The following PLXNA4 variants were observed in gnomAD, a reference collection of about 807,000 sequenced individuals.
The protein encoded by PLXNA4 is plexin-A4.
Under a neutral mutation model 191.8 loss-of-function variants are expected in PLXNA4, and 44 were observed. That is an observed-to-expected ratio of 0.23 (90% CI 0.18 to 0.29). PLXNA4 has a LOEUF of 0.29. Among genes scored for constraint, PLXNA4 ranks in the 10% least tolerant of loss-of-function variants. PLXNA4 has a pLI of 1.00. For synonymous variants in PLXNA4, 1,082 were observed against 1,009.5 expected, an observed-to-expected ratio of 1.07 and a Z score of -1.36; for missense variants, 1,800 against 2,488.8, an observed-to-expected ratio of 0.72 and a Z score of 5.89.
chr7:132,526,443 G>A (rs984815780), intron 1 of PLXNA4, among the ~76,000 whole-genome samples: 2 of 152,184 alleles, frequency 1.3e-5, no homozygotes, highest in Admixed American at 1.3e-4. Flanking sequence ...AGAGAAAGGA[G>A]GAAGGATAAA....
chr7:132,155,823 T>A (rs1314370197), intron 25 of PLXNA4, among the ~76,000 whole-genome samples: 1 of 152,214 alleles, frequency 6.6e-6, no homozygotes, highest in Non-Finnish European at 1.5e-5. Flanking sequence ...TTATTCGATA[T>A]GTTTCTGTGA....
chr7:132,477,694 T>C (rs1470808057), intron 3 of PLXNA4, among the ~76,000 whole-genome samples: 1 of 152,228 alleles, frequency 6.6e-6, no homozygotes, highest in Non-Finnish European at 1.5e-5. Flanking sequence ...CGGGCAGTAC[T>C]GTGGGGGCAC....
At chr7:132,534,181 C>T (rs1380531472) in intron 1 of PLXNA4, among the ~76,000 whole-genome samples, 1 of 152,022 alleles carries the variant, frequency 6.6e-6, no homozygotes, top group African/African-American at 2.4e-5. Context: ...AACAGAAAGC[C>T]GGTCAGCTTC....
At chr7:132,333,838 C>T (rs1216611955) in intron 3 of PLXNA4, among the ~76,000 whole-genome samples, 3 of 152,196 alleles carry the variant, frequency 2.0e-5, no homozygotes, top group African/African-American at 4.8e-5. Context: ...CTGCCAGCAA[C>T]GCTTTTGAGC....
intron 4 of PLXNA4, 33 bp from the exon 5 acceptor site, chr7:132,241,199 G>C: frequency 6.6e-7 from 1 of 1,522,956 alleles, no homozygotes; most frequent in Non-Finnish European, 9.1e-7. Flanking sequence ...AGGTGGTCAA[G>C]ATTTTGCAGA....
chr7:132,534,188 C>A (rs1005629423), intron 1 of PLXNA4, among the ~76,000 whole-genome samples: 1 of 152,140 alleles, frequency 6.6e-6, no homozygotes, highest in Non-Finnish European at 1.5e-5. Flanking sequence ...AGCCGGTCAG[C>A]TTCAACAAGG....
intron 2 of PLXNA4, among the ~76,000 whole-genome samples, chr7:132,498,785 C>A (rs1448060815): frequency 6.6e-6 from 1 of 152,072 alleles, no homozygotes; most frequent in Non-Finnish European, 1.5e-5. Context: ...GAGAGCAGAC[C>A]AGAAAACAGG....
intron 4 of PLXNA4, among the ~76,000 whole-genome samples, chr7:132,253,021 C>T (rs1198784188): frequency 6.6e-6 from 1 of 152,074 alleles, no homozygotes; most frequent in Non-Finnish European, 1.5e-5. Flanking sequence ...TATATGCAAA[C>T]CTCGTGCAAA....
chr7:132,461,603 T>A (rs1290662886), intron 3 of PLXNA4, among the ~76,000 whole-genome samples: 1 of 152,194 alleles, frequency 6.6e-6, no homozygotes, highest in Non-Finnish European at 1.5e-5. Context: ...AGAAATCAAG[T>A]CAACACACAT....
chr7:132,311,165 TG>T (rs1801718722), intron 3 of PLXNA4, among the ~76,000 whole-genome samples: 2 of 130,818 alleles, frequency 1.5e-5, no homozygotes, highest in Non-Finnish European at 3.2e-5. Flanking sequence ...ATTGTGTGTG[TG>T]TGTGTGTGTG....
At chr7:132,404,743 A>G (rs1032256404) in intron 3 of PLXNA4, among the ~76,000 whole-genome samples, 2 of 152,192 alleles carry the variant, frequency 1.3e-5, no homozygotes, top group Non-Finnish European at 2.9e-5. Flanking sequence ...ATAGAGATTG[A>G]GATAATTCAT....
intron 3 of PLXNA4, among the ~76,000 whole-genome samples, chr7:132,465,444 C>G (rs1255908414): frequency 1.3e-5 from 2 of 152,180 alleles, no homozygotes; most frequent in Non-Finnish European, 1.5e-5. Context: ...ATCTTTGTTC[C>G]TGGGGCTTAT....
At chr7:132,225,055 C>T (rs1798270115) in intron 8 of PLXNA4, among the ~76,000 whole-genome samples, 2 of 152,078 alleles carry the variant, frequency 1.3e-5, no homozygotes, top group African/African-American at 4.8e-5. Context: ...GGGTTCCAGG[C>T]CCCCCAACCT....
At chr7:132,192,003 AC>A in intron 14 of PLXNA4, among the ~76,000 whole-genome samples, 1 of 152,170 alleles carries the variant, frequency 6.6e-6, no homozygotes, top group East Asian at 1.9e-4. Flanking sequence ...TCGTCCATGA[AC>A]CCCATTATAT....
intron 2 of PLXNA4, among the ~76,000 whole-genome samples, chr7:132,583,503 C>T (rs1346315986): frequency 6.6e-6 from 1 of 152,202 alleles, no homozygotes; most frequent in Non-Finnish European, 1.5e-5. Context: ...TGCAAGCTAT[C>T]AGCAGGGCCA....
At chr7:132,579,481 T>C (rs957106433), upstream of PLXNA4, among the ~76,000 whole-genome samples, 1 of 151,536 alleles carries the variant, frequency 6.6e-6, no homozygotes, top group Non-Finnish European at 1.5e-5. Context: ...ATGGCTTGAG[T>C]TCCAGGCCCA....
At chr7:132,431,662 C>T (rs1006186570) in intron 3 of PLXNA4, among the ~76,000 whole-genome samples, 79 of 152,136 alleles carry the variant, frequency 5.2e-4, no homozygotes, top group Admixed American at 1.8e-3. Context: ...CTCATGCTCA[C>T]GATTTAGGCC....
intron 24 of PLXNA4, among the ~76,000 whole-genome samples, chr7:132,161,750 A>C (rs567592897): frequency 4.6e-5 from 7 of 152,062 alleles, no homozygotes; most frequent in African/African-American, 1.7e-4. Flanking sequence ...CCGGGCGGGC[A>C]CCTAGCGCTC....
intron 14 of PLXNA4, among the ~76,000 whole-genome samples, chr7:132,193,554 T>C (rs912414098): frequency 6.6e-6 from 1 of 152,036 alleles, no homozygotes; most frequent in African/African-American, 2.4e-5. Flanking sequence ...ACCACAGAAA[T>C]AATAAAACAA....
Sources: gnomAD v4.1 joint callset for allele counts (sites outside exome capture counted in the v4.1 genomes callset) on GRCh38, gnomAD v4.1.1 for gene constraint, MANE v1.5 for transcripts, NCBI Gene and HGNC (gene_info 2026-07-23, HGNC 2026-07-21) for gene names.